CSPP1: variants seen among roughly 807,000 people sequenced by gnomAD.
CSPP1 encodes centrosome and spindle pole-associated protein 1.
A neutral mutation model predicts 164.4 loss-of-function variants in CSPP1; 126 were observed. That is an observed-to-expected ratio of 0.77 (90% confidence interval 0.66 to 0.89). The LOEUF (loss-of-function observed/expected upper bound fraction) is 0.89. Among genes scored for constraint, CSPP1 ranks in the 40% least tolerant of loss-of-function variants. The pLI, the probability that CSPP1 is intolerant of heterozygous loss-of-function variation, is 0.00. For missense variants in CSPP1, 1,395 were observed against 1,449.8 expected (o/e 0.96, Z 0.61); for synonymous variants, 472 against 476.7 (o/e 0.99, Z 0.13).
chr8:67,164,442 G>A lies in CSPP1; in HGVS notation c.2762G>A (p.Arg921His), dbSNP rs376724794. The change falls in exon 24 of 31, where the codon CGT (arginine) becomes CAT (histidine). Residue 921 changes from arginine to histidine, a missense_variant. Transcript: ENST00000678616. Reference protein sequence around the residue: ...MELSEMRKQLRSEERRLQERL... With the variant: ...MELSEMRKQLHSEERRLQERL... ...TTATCAGAAATGAGAAAACAGCTTC[G>A]TAGTGAAGAGAGGCGTCTACAAGAG... 43 of 1,606,590 alleles carry A rather than the reference G, an allele frequency of 2.7e-5. No homozygotes were observed. Among genetic ancestry groups the A allele is most frequent in the Non-Finnish European group, 3.0e-5 (35 of 1,173,562 alleles).
At chr8:67,170,935 C>T (rs1282975708) in intron 24 of CSPP1, among the ~76,000 whole-genome samples, 4 of 151,572 alleles carry the variant, frequency 2.6e-5, no homozygotes, top group Non-Finnish European at 4.4e-5. Flanking sequence ...TACAGGCATG[C>T]GCCACCCCAC....
intron 5 of CSPP1, among the ~76,000 whole-genome samples, chr8:67,093,020 T>C: frequency 6.6e-6 from 1 of 152,142 alleles, no homozygotes; most frequent in East Asian, 1.9e-4. Context: ...GGTAACCCCA[T>C]CATATCTCTT....
At position 67,103,097 on chromosome 8, in the gene CSPP1, A is replaced by G. The variant is rs1814496917; in HGVS notation, c.984A>G (p.Glu328=). 6.2e-7 allele frequency: 1 copy of G among 1,609,932 alleles called. No individual in the cohort carries two copies. The highest frequency in any genetic ancestry group is 8.5e-7 in the Non-Finnish European group (1 of 1,176,318). The change falls in exon 8 of 31, where the codon GAA becomes GAG. Residue 328 remains glutamate (E), a synonymous_variant. Transcript: ENST00000678616. ...PPMEHDGDVI[E]QSNIRISSAE... is the part of the protein sequence containing the mutation. ...TGGAACATGATGGGGATGTTATAGA[A>G]CAGTCAAACATAAGAATTTCATCTG...
chr8:67,127,925 T>C (rs560076973), intron 15 of CSPP1, among the ~76,000 whole-genome samples: 16 of 152,236 alleles, frequency 1.1e-4, no homozygotes, highest in Non-Finnish European at 2.1e-4. Flanking sequence ...CATTTTAGCA[T>C]GAGAGGTGGA....
At chr8:67,078,903 G>A (rs980753505) in intron 3 of CSPP1, among the ~76,000 whole-genome samples, 3 of 152,030 alleles carry the variant, frequency 2.0e-5, no homozygotes, top group African/African-American at 7.2e-5. Flanking sequence ...AACCTAGGAG[G>A]CGGAGGTTGC....
intron 24 of CSPP1, 71 bp downstream of exon 24, chr8:67,164,579 G>T: frequency 1.4e-6 from 1 of 728,194 alleles, no homozygotes; most frequent in Non-Finnish European, 2.4e-6. Context: ...CAGTAATTTT[G>T]TAGTTTGGGA....
chr8:67,192,085 T>G (rs948636686), intron 29 of CSPP1, among the ~76,000 whole-genome samples: 14 of 151,276 alleles, frequency 9.3e-5, no homozygotes, highest in African/African-American at 3.4e-4. Flanking sequence ...TTTGTTTTTT[T>G]TTTTTGATAC....
intron 2 of CSPP1, among the ~76,000 whole-genome samples, chr8:67,076,189 T>C (rs1005886099): frequency 1.4e-4 from 22 of 152,190 alleles, no homozygotes; most frequent in African/African-American, 4.8e-4. Context: ...ATAAGCTTCA[T>C]GATGGCAGAA....
intron 4 of CSPP1, 52 bp from the exon 5 acceptor site, chr8:67,091,751 T>A: frequency 3.5e-6 from 2 of 569,650 alleles, no homozygotes; most frequent in Non-Finnish European, 5.8e-6. Flanking sequence ...TTATGCAACA[T>A]ATTTTATAAA....
At chr8:67,104,966 A>ATTTTTTTT in intron 8 of CSPP1, among the ~76,000 whole-genome samples, 1 of 60,744 alleles carries the variant, frequency 1.6e-5, no homozygotes, top group Non-Finnish European at 3.0e-5. Flanking sequence ...ATATATATAT[A>ATTTTTTTT]TTTTTTTTTT....
chr8:67,080,484 CA>C (rs1808917458), intron 3 of CSPP1, among the ~76,000 whole-genome samples: 1 of 152,228 alleles, frequency 6.6e-6, no homozygotes, highest in African/African-American at 2.4e-5. Context: ...GGTAGCGTTA[CA>C]GTGACTTCTG....
chr8:67,120,127 T>C (rs1818694193), intron 15 of CSPP1, among the ~76,000 whole-genome samples: 1 of 152,220 alleles, frequency 6.6e-6, no homozygotes, highest in South Asian at 2.1e-4. Context: ...GGAAAGACTA[T>C]CCTTTCTGCA....
intron 1 of CSPP1, among the ~76,000 whole-genome samples, chr8:67,072,817 A>G (rs966771426): frequency 2.0e-5 from 3 of 147,572 alleles, no homozygotes; most frequent in African/African-American, 5.0e-5. Flanking sequence ...AAGGTGTACT[A>G]TGATGGCAAC....
intron 19 of CSPP1, among the ~76,000 whole-genome samples, chr8:67,156,669 G>GAAA (rs1334016195): frequency 1.3e-5 from 2 of 152,242 alleles, no homozygotes; most frequent in East Asian, 3.9e-4. Flanking sequence ...ATTATGAAAT[G>GAAA]TTCAAATCTG....
At chr8:67,185,899 C>A (rs749807780) in intron 28 of CSPP1, among the ~76,000 whole-genome samples, 1 of 151,920 alleles carries the variant, frequency 6.6e-6, no homozygotes, top group Non-Finnish European at 1.5e-5. Flanking sequence ...AAGAATCCTT[C>A]AAAAAAACAG....
chr8:67,069,591 A>T (rs1806279721), intron 1 of CSPP1, among the ~76,000 whole-genome samples: 1 of 151,782 alleles, frequency 6.6e-6, no homozygotes, highest in Admixed American at 6.6e-5. Flanking sequence ...CCTTAGTTCC[A>T]TGTGAAGGTG....
At chr8:67,165,727 A>C (rs1452612082) in intron 24 of CSPP1, among the ~76,000 whole-genome samples, 1 of 152,048 alleles carries the variant, frequency 6.6e-6, no homozygotes, top group Non-Finnish European at 1.5e-5. Flanking sequence ...ACATTGTATC[A>C]GGGGTACATG....
intron 15 of CSPP1, among the ~76,000 whole-genome samples, chr8:67,127,221 T>C (rs987712599): frequency 1.3e-5 from 2 of 152,174 alleles, no homozygotes; most frequent in Non-Finnish European, 2.9e-5. Context: ...ATTACTTAGC[T>C]CAAGCTGCTA....
At chr8:67,097,067 A>G (rs1812954727) in intron 7 of CSPP1, among the ~76,000 whole-genome samples, 1 of 152,200 alleles carries the variant, frequency 6.6e-6, no homozygotes, top group South Asian at 2.1e-4. Context: ...TATTTATCAT[A>G]CATTGATACT....
Sources: allele counts gnomAD v4.1 joint callset (sites outside exome capture counted in the v4.1 genomes callset), GRCh38; gene constraint gnomAD v4.1.1; transcripts MANE v1.5; gene names NCBI Gene and HGNC (gene_info 2026-07-23, HGNC 2026-07-21).